The following ASAP1 variants were observed in gnomAD, a reference collection of about 807,000 sequenced individuals.
ASAP1 encodes arf-GAP with SH3 domain, ANK repeat and PH domain-containing protein 1.
A neutral mutation model predicts 145.2 loss-of-function variants in ASAP1; 43 were observed. That is an observed-to-expected ratio of 0.30 (90% CI 0.23 to 0.38). The LOEUF (loss-of-function observed/expected upper bound fraction) is 0.38, where lower values mean the gene tolerates loss of function less well. ASAP1 is among the 10% of genes least tolerant of loss of function. ASAP1 has a pLI of 1.00. For missense variants in ASAP1, 1,018 were observed against 1,355.3 expected (o/e 0.75, Z 3.91); for synonymous variants, 546 against 515.5 (o/e 1.06, Z -0.80).
At chr8:130,367,224 A>T (rs1409423387) in intron 2 of ASAP1, among the ~76,000 whole-genome samples, 1 of 152,140 alleles carries the variant, frequency 6.6e-6, no homozygotes, top group Admixed American at 6.5e-5. Context: ...TAAATTTTAA[A>T]ACATAAGAGA....
chr8:130,280,065 T>C (rs1052760007), intron 3 of ASAP1, among the ~76,000 whole-genome samples: 10 of 152,178 alleles, frequency 6.6e-5, no homozygotes, highest in Non-Finnish European at 1.0e-4. Flanking sequence ...CAAAAAGAGA[T>C]AGGCAGAGGT....
intron 26 of ASAP1, among the ~76,000 whole-genome samples, chr8:130,078,051 G>A (rs1372514607): frequency 1.3e-5 from 2 of 151,008 alleles, no homozygotes; most frequent in South Asian, 2.1e-4. Flanking sequence ...GTGCAGTGGC[G>A]TGATCTCGGT....
intron 3 of ASAP1, among the ~76,000 whole-genome samples, chr8:130,287,452 T>C (rs2137263443): frequency 1.3e-5 from 2 of 152,262 alleles, no homozygotes; most frequent in South Asian, 2.1e-4. Context: ...CATCCACCCA[T>C]TCACCCACTG....
chr8:130,095,593 G>A (rs1015446470), intron 24 of ASAP1, among the ~76,000 whole-genome samples: 1 of 150,290 alleles, frequency 6.7e-6, no homozygotes, highest in Non-Finnish European at 1.5e-5. Context: ...GAGCCACCAT[G>A]CCTGGCCTAA....
At chr8:130,299,913 A>G (rs1251419990) in intron 3 of ASAP1, among the ~76,000 whole-genome samples, 1 of 152,132 alleles carries the variant, frequency 6.6e-6, no homozygotes, top group Non-Finnish European at 1.5e-5. Flanking sequence ...TATTTTCTTC[A>G]TACAAATCTT....
chr8:130,126,620 G>A (rs193077413), intron 16 of ASAP1, among the ~76,000 whole-genome samples: 28 of 152,246 alleles, frequency 1.8e-4, no homozygotes, highest in African/African-American at 6.7e-4. Flanking sequence ...AGAACAATGG[G>A]AACTATTACT....
chr8:130,419,808 C>T (rs1322029396), intron 1 of ASAP1, among the ~76,000 whole-genome samples: 1 of 152,182 alleles, frequency 6.6e-6, no homozygotes, highest in African/African-American at 2.4e-5. Flanking sequence ...AGTTTCAGCT[C>T]TGGCCAGGGC....
chr8:130,248,314 G>C (rs1226256335), intron 3 of ASAP1, among the ~76,000 whole-genome samples: 1 of 152,134 alleles, frequency 6.6e-6, no homozygotes, highest in African/African-American at 2.4e-5. Flanking sequence ...GTCTGTTCTA[G>C]GTGTGGGGAT....
At chr8:130,076,320 A>G in intron 27 of ASAP1, 28 bp downstream of exon 27, 3 of 1,572,066 alleles carry the variant, frequency 1.9e-6, no homozygotes, top group Non-Finnish European at 2.6e-6. Context: ...CTTTAATTAC[A>G]TGTAAATGTA....
intron 2 of ASAP1, among the ~76,000 whole-genome samples, chr8:130,401,291 G>C (rs1415767009): frequency 3.9e-5 from 6 of 151,936 alleles, no homozygotes; most frequent in African/African-American, 1.5e-4. Context: ...TGTTGCCCAG[G>C]CTGGAGTGCA....
At chr8:130,386,789 G>A (rs1289349581) in intron 2 of ASAP1, 1 of 152,190 alleles carries the variant, frequency 6.6e-6, no homozygotes, top group Non-Finnish European at 1.5e-5. Flanking sequence ...TGACCTGTCT[G>A]CAGTAACTTT....
chr8:130,426,433 C>A lies in ASAP1; in HGVS notation c.-28+17027G>T, dbSNP rs78676282. Reference sequence around the variant, plus strand: ...TTAGGAAAAAAAAAAAAAGGGTAAGCCAAGCTCATATCATTCTTCCACTCA... The same window carrying A: ...TTAGGAAAAAAAAAAAAAGGGTAAGACAAGCTCATATCATTCTTCCACTCA... On this transcript the variant is annotated intron_variant, in intron 1 of 29. Coordinates refer to ENST00000518721, the MANE Select transcript of ASAP1 (RefSeq NM_018482.4). 5.9e-3 allele frequency among the ~76,000 whole-genome samples: 903 copies of A among 151,840 alleles called. 4 individuals are homozygous for A. Among genetic ancestry groups the A allele is most frequent in the Non-Finnish European group, 7.3e-3 (494 of 67,946 alleles).
At chr8:130,140,906 A>G (rs1218131815) in intron 13 of ASAP1, among the ~76,000 whole-genome samples, 1 of 152,234 alleles carries the variant, frequency 6.6e-6, no homozygotes, top group East Asian at 1.9e-4. Flanking sequence ...ACAGAAGTCC[A>G]AAAACCAAGG....
At chr8:130,362,970 T>C (rs1395657874) in intron 2 of ASAP1, among the ~76,000 whole-genome samples, 1 of 152,210 alleles carries the variant, frequency 6.6e-6, no homozygotes, top group African/African-American at 2.4e-5. Flanking sequence ...GGAGCATGAA[T>C]TATGGGCTGA....
intron 3 of ASAP1, among the ~76,000 whole-genome samples, chr8:130,270,497 T>C (rs1001057196): frequency 6.6e-6 from 1 of 152,238 alleles, no homozygotes; most frequent in African/African-American, 2.4e-5. Context: ...GGATAACCAG[T>C]GTAGAGACAA....
chr8:130,233,918 T>A (rs1416262026), intron 4 of ASAP1, among the ~76,000 whole-genome samples: 1 of 152,202 alleles, frequency 6.6e-6, no homozygotes. Flanking sequence ...AAAAAACTCA[T>A]AGGCCAGTGC....
intron 4 of ASAP1, among the ~76,000 whole-genome samples, chr8:130,215,216 A>C (rs1816825485): frequency 6.6e-6 from 1 of 151,996 alleles, no homozygotes; most frequent in Non-Finnish European, 1.5e-5. Flanking sequence ...TTTTTCTTTC[A>C]TAGAATTTAG....
At position 130,372,983 on chromosome 8, in the gene ASAP1, C is replaced by T. The variant is rs765571097; in HGVS notation, c.60-14840G>A. Among the ~76,000 whole-genome samples, 235 of 151,188 alleles carry T rather than the reference C, an allele frequency of 1.6e-3. 3 individuals carry two copies. Among genetic ancestry groups the T allele is most frequent in the Non-Finnish European group, 5.9e-4 (40 of 67,800 alleles). On this transcript the variant is annotated intron_variant, in intron 2 of 29. Coordinates refer to ENST00000518721, the MANE Select transcript of ASAP1 (RefSeq NM_018482.4). ...ATACACACACAGACATACACACATACGCACAGACATACACAGACACAGACA... is the reference window on the plus strand; with the variant it reads ...ATACACACACAGACATACACACATATGCACAGACATACACAGACACAGACA...
chr8:130,381,725 C>T (rs1471088066), intron 2 of ASAP1, among the ~76,000 whole-genome samples: 1 of 152,170 alleles, frequency 6.6e-6, no homozygotes, highest in Non-Finnish European at 1.5e-5. Context: ...ATCTCCCTGA[C>T]CTCACTTTCC....
Sources: allele counts gnomAD v4.1 joint callset (sites outside exome capture counted in the v4.1 genomes callset), GRCh38; gene constraint gnomAD v4.1.1; transcripts MANE v1.5; gene names NCBI Gene and HGNC (gene_info 2026-07-23, HGNC 2026-07-21).